The following DRC11 variants were observed in gnomAD, a reference collection of about 807,000 sequenced individuals.
DRC11 encodes dynein regulatory complex subunit 11.
chr2:236,450,528 C>G, the DRC11 span, among the ~76,000 whole-genome samples: 1 of 151,938 alleles, frequency 6.6e-6, no homozygotes. Context: ...CCATGTTGGT[C>G]AGGATGGTCT....
At chr2:236,475,171 T>C in the DRC11 span, among the ~76,000 whole-genome samples, 4 of 152,146 alleles carry the variant, frequency 2.6e-5, no homozygotes, top group African/African-American at 7.2e-5. This position sits in a 1 kb window ranked among gnomAD's most constrained non-coding sequence, Gnocchi z 4.8. Flanking sequence ...ACCAATCTAT[T>C]CTGTATCTTC....
chr2:236,391,927 G>A, the DRC11 span: 3 of 1,523,674 alleles, frequency 2.0e-6, no homozygotes, highest in Non-Finnish European at 2.7e-6. This position sits in a 1 kb window ranked among gnomAD's most constrained non-coding sequence, Gnocchi z 4.5. Context: ...TGCTTTTCAT[G>A]ACTGAATCCG....
the DRC11 span, among the ~76,000 whole-genome samples, chr2:236,374,502 G>C: frequency 0.017 from 2,531 of 152,166 alleles, 81 homozygotes; most frequent in African/African-American, 0.058. Flanking sequence ...AGGTTTAATT[G>C]GCTCACGGTT....
the DRC11 span, among the ~76,000 whole-genome samples, chr2:236,455,951 T>C: frequency 6.6e-6 from 1 of 151,786 alleles, no homozygotes; most frequent in Admixed American, 6.6e-5. The surrounding 1 kb of genome is among the most constrained non-coding windows in gnomAD (Gnocchi z 5.7). Flanking sequence ...CCCCCACCAC[T>C]GGCAGCCCTT....
the DRC11 span, among the ~76,000 whole-genome samples, chr2:236,389,231 C>T: frequency 6.6e-6 from 1 of 152,232 alleles, no homozygotes; most frequent in Non-Finnish European, 1.5e-5. Flanking sequence ...CTAATCAAGC[C>T]TGGGCAATGG....
chr2:236,420,841 C>T, the DRC11 span, among the ~76,000 whole-genome samples: 10 of 152,130 alleles, frequency 6.6e-5, no homozygotes, highest in Non-Finnish European at 1.0e-4. The surrounding 1 kb of genome is among the most constrained non-coding windows in gnomAD (Gnocchi z 4.8). Flanking sequence ...CAAAGGCTCA[C>T]CTTGACTCAC....
chr2:236,469,186 C>G, the DRC11 span, among the ~76,000 whole-genome samples: 1 of 152,160 alleles, frequency 6.6e-6, no homozygotes, highest in African/African-American at 2.4e-5. The surrounding 1 kb of genome is among the most constrained non-coding windows in gnomAD (Gnocchi z 5.8). Context: ...ATGTCCACAT[C>G]TATTTTTATT....
the DRC11 span, among the ~76,000 whole-genome samples, chr2:236,319,498 C>G: frequency 3.9e-5 from 6 of 152,242 alleles, no homozygotes; most frequent in Non-Finnish European, 7.4e-5. The surrounding 1 kb of genome is among the most constrained non-coding windows in gnomAD (Gnocchi z 6.7). Context: ...ATCAAAAAAA[C>G]GTACTGTGTT....
chr2:236,419,307 G>T, the DRC11 span: 1 of 1,514,020 alleles, frequency 6.6e-7, no homozygotes, highest in East Asian at 2.5e-5. The surrounding 1 kb of genome is among the most constrained non-coding windows in gnomAD (Gnocchi z 4.8). Flanking sequence ...CATTTTCATA[G>T]ATCCCTATCA....
the DRC11 span, chr2:236,409,046 T>G: frequency 1.7e-6 from 1 of 599,938 alleles, no homozygotes; most frequent in Admixed American, 2.9e-5. Context: ...GAGGGACCCA[T>G]GTCTGGGAGT....
the DRC11 span, among the ~76,000 whole-genome samples, chr2:236,327,650 T>C: frequency 6.6e-6 from 1 of 152,200 alleles, no homozygotes; most frequent in African/African-American, 2.4e-5. Flanking sequence ...TCTTTAGTTT[T>C]GTCCAGTCCA....
At chr2:236,339,174 G>A in the DRC11 span, among the ~76,000 whole-genome samples, 111 of 152,280 alleles carry the variant, frequency 7.3e-4, no homozygotes, top group East Asian at 0.015. Context: ...ATGTTCCTGC[G>A]TCTTTTCATG....
At chr2:236,493,142 G>C in the DRC11 span, among the ~76,000 whole-genome samples, 1 of 152,174 alleles carries the variant, frequency 6.6e-6, no homozygotes, top group African/African-American at 2.4e-5. Flanking sequence ...TATGGCGGCA[G>C]ACAAGACAGT....
the DRC11 span, among the ~76,000 whole-genome samples, chr2:236,441,891 C>T: frequency 2.3e-4 from 35 of 152,100 alleles, no homozygotes; most frequent in African/African-American, 8.2e-4. Flanking sequence ...TTTGAGGATC[C>T]CAAAGAGTTT....
chr2:236,486,717 A>C, the DRC11 span: 1 of 749,806 alleles, frequency 1.3e-6, no homozygotes, highest in South Asian at 1.8e-5. The surrounding 1 kb of genome is among the most constrained non-coding windows in gnomAD (Gnocchi z 5.7). Context: ...CATTCCATTA[A>C]ATCATTTATT....
At chr2:236,450,178 T>G in the DRC11 span, among the ~76,000 whole-genome samples, 1 of 152,182 alleles carries the variant, frequency 6.6e-6, no homozygotes, top group Non-Finnish European at 1.5e-5. Context: ...TAGAGTTTGA[T>G]TATTGACTTT....
the DRC11 span, chr2:236,331,745 C>T: frequency 1.6e-6 from 1 of 633,324 alleles, no homozygotes; most frequent in Non-Finnish European, 2.7e-6. The surrounding 1 kb of genome is among the most constrained non-coding windows in gnomAD (Gnocchi z 4.8). Context: ...GAACCGAAGC[C>T]AAGTAACTAA....
the DRC11 span, among the ~76,000 whole-genome samples, chr2:236,344,374 T>A: frequency 6.6e-6 from 1 of 152,164 alleles, no homozygotes; most frequent in Non-Finnish European, 1.5e-5. Context: ...CTATGTCTCA[T>A]AAAGTCAGAC....
the DRC11 span, among the ~76,000 whole-genome samples, chr2:236,488,822 G>A: frequency 6.6e-6 from 1 of 152,254 alleles, no homozygotes; most frequent in Non-Finnish European, 1.5e-5. Context: ...CTCACATGGT[G>A]TATGTGGAGA....
Sources: gnomAD v4.1 joint callset for allele counts (sites outside exome capture counted in the v4.1 genomes callset) on GRCh38, gnomAD v4.1.1 for gene constraint, Gnocchi (gnomAD v3.1) non-coding constraint, MANE v1.5 for transcripts, NCBI Gene and HGNC (gene_info 2026-07-23, HGNC 2026-07-21) for gene names.